ARB2A: variants seen among roughly 807,000 people sequenced by gnomAD.
ARB2A encodes the protein cotranscriptional regulator ARB2A.
chr5:94,074,404 T>C, the ARB2A span, among the ~76,000 whole-genome samples: 3 of 152,192 alleles, frequency 2.0e-5, no homozygotes, highest in South Asian at 4.1e-4. Flanking sequence ...ATGTATGACA[T>C]TGAGTAAGAA....
the ARB2A span, among the ~76,000 whole-genome samples, chr5:94,041,287 G>C: frequency 7.2e-5 from 11 of 152,016 alleles, no homozygotes; most frequent in South Asian, 2.1e-4. Context: ...TAGAACATGA[G>C]CTTAGGACAC....
the ARB2A span, among the ~76,000 whole-genome samples, chr5:93,707,421 C>T: frequency 2.0e-5 from 3 of 151,986 alleles, no homozygotes; most frequent in East Asian, 5.8e-4. Context: ...CATTATGTTA[C>T]ACTTAATTTT....
chr5:93,786,080 C>T, the ARB2A span, among the ~76,000 whole-genome samples: 49 of 152,182 alleles, frequency 3.2e-4, no homozygotes, highest in African/African-American at 1.1e-3. Context: ...TGCTGAAGTA[C>T]AAAATAAGAA....
At chr5:93,685,181 G>A in the ARB2A span, among the ~76,000 whole-genome samples, 2 of 152,024 alleles carry the variant, frequency 1.3e-5, no homozygotes, top group Non-Finnish European at 2.9e-5. Flanking sequence ...GTACTGATAT[G>A]TTTTCTAATT....
the ARB2A span, among the ~76,000 whole-genome samples, chr5:93,781,463 A>T: frequency 2.5e-3 from 374 of 152,286 alleles, 1 homozygote; most frequent in African/African-American, 8.6e-3. Context: ...TGATTCCAAG[A>T]CTTTGCTATC....
chr5:93,970,619 C>A, the ARB2A span, among the ~76,000 whole-genome samples: 100 of 152,136 alleles, frequency 6.6e-4, no homozygotes, highest in South Asian at 8.3e-4. Context: ...AGAAAAGAAA[C>A]AATTTGTAAA....
the ARB2A span, among the ~76,000 whole-genome samples, chr5:93,941,281 A>C: frequency 6.6e-6 from 1 of 152,080 alleles, no homozygotes; most frequent in East Asian, 1.9e-4. Flanking sequence ...AGCAATTCAG[A>C]TTGCTTCAGC....
At chr5:93,955,315 A>G in the ARB2A span, among the ~76,000 whole-genome samples, 1 of 152,112 alleles carries the variant, frequency 6.6e-6, no homozygotes, top group Non-Finnish European at 1.5e-5. Context: ...GTTACATTTT[A>G]TTCATTATTT....
chr5:93,842,354 CAG>C, the ARB2A span, among the ~76,000 whole-genome samples: 1 of 152,144 alleles, frequency 6.6e-6, no homozygotes, highest in South Asian at 2.1e-4. Context: ...GCAATTGGGA[CAG>C]AGTCAGTCTG....
chr5:93,762,929 G>T, the ARB2A span, among the ~76,000 whole-genome samples: 1 of 152,132 alleles, frequency 6.6e-6, no homozygotes, highest in African/African-American at 2.4e-5. Context: ...TTTCAACCCA[G>T]AATTTCATAT....
the ARB2A span, among the ~76,000 whole-genome samples, chr5:93,798,402 TGCCACTTTTTATTC>T: frequency 6.6e-6 from 1 of 152,282 alleles, no homozygotes; most frequent in South Asian, 2.1e-4. Context: ...AGGTAATTGA[TGCCACTTTTTATTC>T]AGTCTGGGAG....
At chr5:93,710,567 T>A in the ARB2A span, among the ~76,000 whole-genome samples, 1 of 152,160 alleles carries the variant, frequency 6.6e-6, no homozygotes, top group African/African-American at 2.4e-5. Context: ...TTGATTGTTA[T>A]AAGGAATAAA....
At chr5:93,676,331 T>C in the ARB2A span, among the ~76,000 whole-genome samples, 4 of 152,216 alleles carry the variant, frequency 2.6e-5, no homozygotes, top group Non-Finnish European at 4.4e-5. Flanking sequence ...AAAATCTTTC[T>C]TGTTATTTAA....
At chr5:93,805,084 CA>C in the ARB2A span, 12 of 967,428 alleles carry the variant, frequency 1.2e-5, no homozygotes, top group South Asian at 3.8e-4. Flanking sequence ...ATTTTCACTA[CA>C]AAGTTACCAT....
At chr5:93,888,967 C>T in the ARB2A span, among the ~76,000 whole-genome samples, 27 of 151,814 alleles carry the variant, frequency 1.8e-4, no homozygotes, top group African/African-American at 4.8e-4. Flanking sequence ...GCTAGTTATA[C>T]TTAAGAGTCT....
chr5:93,805,077 T>C, the ARB2A span: 12 of 965,736 alleles, frequency 1.2e-5, no homozygotes, highest in Non-Finnish European at 1.5e-5. Flanking sequence ...ATTAATGATT[T>C]TCACTACAAA....
chr5:93,847,265 G>A, the ARB2A span, among the ~76,000 whole-genome samples: 132 of 152,244 alleles, frequency 8.7e-4, no homozygotes, highest in Non-Finnish European at 1.5e-3. Context: ...CTCCACTGAA[G>A]TCTAGCAAAG....
chr5:94,060,267 G>C, the ARB2A span, among the ~76,000 whole-genome samples: 2 of 152,028 alleles, frequency 1.3e-5, no homozygotes, highest in Non-Finnish European at 2.9e-5. Flanking sequence ...CAGGAGAATC[G>C]CTTGAACCTG....
chr5:93,834,975 A>G, the ARB2A span, among the ~76,000 whole-genome samples: 1 of 152,326 alleles, frequency 6.6e-6, no homozygotes, highest in African/African-American at 2.4e-5. Flanking sequence ...TTTTGTATTG[A>G]GCAACTTGAT....
Sources: allele counts gnomAD v4.1 joint callset (sites outside exome capture counted in the v4.1 genomes callset), GRCh38; gene constraint gnomAD v4.1.1; transcripts MANE v1.5; gene names NCBI Gene and HGNC (gene_info 2026-07-23, HGNC 2026-07-21).